Variants in CENPK observed in about 807,000 individuals in gnomAD.
CENPK encodes SoxLZ/Sox6-binding protein Solt.
Under a neutral mutation model 40.9 loss-of-function variants are expected in CENPK, and 46 were observed. The ratio of observed to expected loss-of-function variants is 1.13; its 90% confidence interval spans 0.89 to 1.44. The LOEUF (loss-of-function observed/expected upper bound fraction) is 1.44, where lower values mean the gene tolerates loss of function less well. Ranked by LOEUF, CENPK falls within the 40% of genes most tolerant of loss-of-function variation. The pLI is 0.00. For synonymous variants in CENPK, 107 were observed against 104.4 expected, an observed-to-expected ratio of 1.02 and a Z score of -0.15; for missense variants, 288 against 303.5, an observed-to-expected ratio of 0.95 and a Z score of 0.38.
the CENPK span, among the ~76,000 whole-genome samples, chr5:65,497,834 C>T: frequency 6.6e-6 from 1 of 152,166 alleles, no homozygotes; most frequent in Non-Finnish European, 1.5e-5. Context: ...TGTGCCATTG[C>T]ACTGCAGCCT....
chr5:65,537,327 C>T (rs1055515131), intron 6 of CENPK, among the ~76,000 whole-genome samples: 1 of 151,986 alleles, frequency 6.6e-6, no homozygotes, highest in East Asian at 1.9e-4. Context: ...TTTTTTGAGA[C>T]GGAGTCTCGC....
chr5:65,504,467 A>AC, the CENPK span, among the ~76,000 whole-genome samples: 1 of 151,614 alleles, frequency 6.6e-6, no homozygotes, highest in East Asian at 1.9e-4. Context: ...CAAAAAAAAA[A>AC]AAAAAAAAAA....
At chr5:65,504,457 C>CAAAAAAAAAAAAAAAAAAAAA in the CENPK span, among the ~76,000 whole-genome samples, 2 of 100,068 alleles carry the variant, frequency 2.0e-5, 1 homozygote. Context: ...AATTCCGTAT[C>CAAAAAAAAAAAAAAAAAAAAA]AAAAAAAAAA....
the CENPK span, among the ~76,000 whole-genome samples, chr5:65,508,524 C>G: frequency 6.6e-6 from 1 of 152,172 alleles, no homozygotes; most frequent in East Asian, 1.9e-4. Context: ...GTGGCTCATG[C>G]CTGTAAGCCC....
chr5:65,508,134 A>G, the CENPK span, among the ~76,000 whole-genome samples: 135 of 152,358 alleles, frequency 8.9e-4, 1 homozygote, highest in Middle Eastern at 6.8e-3. Flanking sequence ...TAAAGGTACT[A>G]TATTTCCCTG....
the CENPK span, among the ~76,000 whole-genome samples, chr5:65,496,712 T>C: frequency 6.6e-6 from 1 of 152,156 alleles, no homozygotes; most frequent in Non-Finnish European, 1.5e-5. Context: ...ATCTTTATAC[T>C]TTGCTGTTTG....
intron 2 of CENPK, among the ~76,000 whole-genome samples, chr5:65,557,658 A>C (rs1751219506): frequency 6.6e-6 from 1 of 152,226 alleles, no homozygotes; most frequent in Non-Finnish European, 1.5e-5. Context: ...TCTTCTAGCC[A>C]AGGCTCCAGA....
At chr5:65,557,398 G>A (rs1344279226) in intron 2 of CENPK, among the ~76,000 whole-genome samples, 3 of 152,110 alleles carry the variant, frequency 2.0e-5, no homozygotes, top group Non-Finnish European at 4.4e-5. Context: ...AGAATACAAT[G>A]AAAATGACAC....
At chr5:65,534,050 C>CAAAAAAA (rs60018569) in intron 6 of CENPK, among the ~76,000 whole-genome samples, 13 of 90,858 alleles carry the variant, frequency 1.4e-4, no homozygotes, top group East Asian at 3.3e-4. Flanking sequence ...ACCGTCTCAA[C>CAAAAAAA]AAAAAAAAAA....
chr5:65,544,551 C>CGT (rs1193056302), intron 5 of CENPK, among the ~76,000 whole-genome samples: 11 of 152,120 alleles, frequency 7.2e-5, no homozygotes, highest in African/African-American at 2.7e-4. Flanking sequence ...AAGAATTGAA[C>CGT]GCAGGGCCTC....
At chr5:65,498,805 C>T in the CENPK span, among the ~76,000 whole-genome samples, 2,737 of 151,640 alleles carry the variant, frequency 0.018, 56 homozygotes, top group East Asian at 0.07. Context: ...TACAGGCACA[C>T]GACACCACGC....
chr5:65,528,597 TAA>T lies in CENPK; in HGVS notation c.471-21_471-20del, dbSNP rs750085640. On this transcript the variant is annotated intron_variant, in intron 8 of 10. Transcript: ENST00000396679. ...AAAGATTCTAATAGATTAAAAAAAT[TAA>T]GAGAAACATTTAACTGATAAAACAC... 8 of 1,499,478 alleles carry T rather than the reference TAA, an allele frequency of 5.3e-6. No individual in the cohort carries two copies. The highest frequency in any genetic ancestry group is 2.3e-4 in the Middle Eastern group (1 of 4,302). 92.9% of individuals were successfully genotyped at this position (1,499,478 alleles called of 1,614,324 possible).
intron 5 of CENPK, among the ~76,000 whole-genome samples, chr5:65,543,957 T>C (rs1029222603): frequency 4.6e-5 from 7 of 152,344 alleles, no homozygotes; most frequent in Admixed American, 2.6e-4. Context: ...TAATTTTGTA[T>C]AGCAAATTTT....
At chr5:65,554,401 C>CG (rs1561692793) in intron 3 of CENPK, among the ~76,000 whole-genome samples, 5 of 152,162 alleles carry the variant, frequency 3.3e-5, no homozygotes, top group Admixed American at 2.0e-4. Context: ...CCCCCAGCCT[C>CG]GGCCTCCCAA....
At chr5:65,524,007 A>G (rs1441904862) in intron 9 of CENPK, among the ~76,000 whole-genome samples, 2 of 152,150 alleles carry the variant, frequency 1.3e-5, no homozygotes, top group African/African-American at 2.4e-5. Context: ...CAAAGACTAA[A>G]CACCCAGGAA....
At chr5:65,558,891 T>C (rs762808014) in intron 2 of CENPK, among the ~76,000 whole-genome samples, 2 of 152,210 alleles carry the variant, frequency 1.3e-5, no homozygotes, top group Admixed American at 1.3e-4. Flanking sequence ...ATGATAGTAG[T>C]ACTGCAAAGG....
the CENPK span, among the ~76,000 whole-genome samples, chr5:65,509,575 A>G: frequency 1.3e-5 from 2 of 152,216 alleles, no homozygotes; most frequent in African/African-American, 4.8e-5. Context: ...ATTTTTGGCA[A>G]TTACAAATAA....
chr5:65,544,787 C>T (rs1748603648), intron 5 of CENPK, among the ~76,000 whole-genome samples: 1 of 152,118 alleles, frequency 6.6e-6, no homozygotes, highest in African/African-American at 2.4e-5. Context: ...CACAAAAACA[C>T]AAATACTATA....
chr5:65,558,745 G>C (rs1488290269), intron 2 of CENPK, among the ~76,000 whole-genome samples: 1 of 152,062 alleles, frequency 6.6e-6, no homozygotes, highest in Non-Finnish European at 1.5e-5. Flanking sequence ...GTACAGACAG[G>C]GACAAAGTGA....
Sources: gnomAD v4.1 joint callset for allele counts (sites outside exome capture counted in the v4.1 genomes callset) on GRCh38, gnomAD v4.1.1 for gene constraint, MANE v1.5 for transcripts, NCBI Gene and HGNC (gene_info 2026-07-23, HGNC 2026-07-21) for gene names.